The following TBC1D1 variants were observed in gnomAD, a reference collection of about 807,000 sequenced individuals.
TBC1D1 encodes TBC1 domain family member 1, also known as TBC1 (tre-2/USP6, BUB2, cdc16) domain family, member 1.
TBC1D1 carries 89 observed loss-of-function variants against 125.6 expected under a neutral mutation model. The ratio of observed to expected loss-of-function variants is 0.71; its 90% CI spans 0.60 to 0.85. TBC1D1 has a LOEUF of 0.85. Ranked by LOEUF, TBC1D1 falls within the 40% of genes least tolerant of loss-of-function variation. The probability of loss-of-function intolerance (pLI) is 0.00; values close to 1 mark genes in which losing one functional copy is unlikely to be tolerated. For synonymous variants in TBC1D1, 565 were observed against 564.1 expected (o/e 1.00, Z -0.02); for missense variants, 1,377 against 1,469.2 (o/e 0.94, Z 1.03).
chr4:38,021,698 AG>A lies in TBC1D1; in HGVS notation c.1191del (p.Lys397AsnfsTer6). ...GGCTGCCCCCTGCAAAGCCTGCACA[AG>A]CTCTGTGAGAGGATAGAGGGTGAGT... On this transcript the variant is annotated frameshift_variant, in exon 6 of 20. Transcript: ENST00000261439. LOFTEE classifies it high-confidence loss of function. 3.1e-6 allele frequency: 5 copies of A among 1,589,744 alleles called. No individual in the cohort carries two copies. Among genetic ancestry groups the A allele is most frequent in the Non-Finnish European group, 4.3e-6 (5 of 1,168,778 alleles).
chr4:38,043,863 C>T (rs1038235345), intron 8 of TBC1D1, among the ~76,000 whole-genome samples: 1 of 152,124 alleles, frequency 6.6e-6, no homozygotes, highest in Non-Finnish European at 1.5e-5. Context: ...GTTGTCTCAC[C>T]TTCTGAAATG....
chr4:38,083,924 T>G (rs1200006468), intron 12 of TBC1D1, among the ~76,000 whole-genome samples: 2 of 151,020 alleles, frequency 1.3e-5, no homozygotes, highest in African/African-American at 4.9e-5. Flanking sequence ...TTATACCAAA[T>G]GAATGTTGTC....
At chr4:38,082,541 A>T (rs941045163) in intron 12 of TBC1D1, among the ~76,000 whole-genome samples, 1 of 152,206 alleles carries the variant, frequency 6.6e-6, no homozygotes, top group Admixed American at 6.5e-5. Context: ...CTCCTCAAAA[A>T]ATACAGCTTC....
chr4:37,919,939 C>A (rs1028601595), intron 2 of TBC1D1, among the ~76,000 whole-genome samples: 1 of 152,056 alleles, frequency 6.6e-6, no homozygotes, highest in Non-Finnish European at 1.5e-5. Context: ...GGTGCAACTC[C>A]GTCTCTACTG....
intron 3 of TBC1D1, among the ~76,000 whole-genome samples, chr4:38,016,645 C>T (rs1243276158): frequency 1.3e-5 from 2 of 152,198 alleles, no homozygotes; most frequent in Non-Finnish European, 2.9e-5. Flanking sequence ...ATTTTCATTT[C>T]TCTGTTCACT....
chr4:38,122,307 G>A (rs1176441172), intron 17 of TBC1D1, among the ~76,000 whole-genome samples: 5 of 152,168 alleles, frequency 3.3e-5, no homozygotes, highest in South Asian at 2.1e-4. Context: ...AGCATTCAGC[G>A]ACTCCTGCGG....
intron 2 of TBC1D1, among the ~76,000 whole-genome samples, chr4:38,010,769 T>C (rs1024226770): frequency 8.5e-5 from 13 of 152,212 alleles, no homozygotes; most frequent in Admixed American, 2.6e-4. Context: ...CCTCTCAGCC[T>C]TCAGTGCTTA....
At chr4:38,099,816 A>C (rs1171956565) in intron 14 of TBC1D1, among the ~76,000 whole-genome samples, 1 of 152,126 alleles carries the variant, frequency 6.6e-6, no homozygotes, top group Non-Finnish European at 1.5e-5. Flanking sequence ...ATTGGGTCCA[A>C]CCTGCATGAT....
intron 16 of TBC1D1, among the ~76,000 whole-genome samples, chr4:38,116,621 C>T (rs956105024): frequency 4.6e-5 from 7 of 152,124 alleles, no homozygotes; most frequent in African/African-American, 1.7e-4. Flanking sequence ...TGAAACAGTG[C>T]GTGGGTTGAA....
chr4:38,112,127 G>A (rs1194346420), intron 15 of TBC1D1: 2 of 957,240 alleles, frequency 2.1e-6, no homozygotes, highest in Non-Finnish European at 2.5e-6. Flanking sequence ...TTGAAAGTGT[G>A]GGGTGTACAG....
intron 7 of TBC1D1, among the ~76,000 whole-genome samples, chr4:38,032,936 A>T (rs1746460344): frequency 6.6e-6 from 1 of 152,150 alleles, no homozygotes; most frequent in Non-Finnish European, 1.5e-5. Flanking sequence ...ACACCTCACT[A>T]ATTGTATTTC....
At chr4:38,047,415 G>A (rs1040197865) in intron 10 of TBC1D1, among the ~76,000 whole-genome samples, 18 of 152,252 alleles carry the variant, frequency 1.2e-4, no homozygotes, top group African/African-American at 3.1e-4. Context: ...GACCGCCTCT[G>A]GGGAGTGAGG....
chr4:38,137,229 T>C lies in TBC1D1; in HGVS notation c.3401T>C (p.Leu1134Pro), dbSNP rs1766787831. 1 of 1,612,510 alleles carries C rather than the reference T, an allele frequency of 6.2e-7. No homozygotes were observed. The highest frequency in any genetic ancestry group is 2.2e-5 in the East Asian group (1 of 44,852). ...AAGCAGGCCATGCTTACCTTAGAAC[T>C]GGAGCGGTCGGCCCTGCTGCAGACG... is the stretch of plus-strand genomic sequence containing the variant. Residue 1134 changes from leucine to proline, a missense_variant, in exon 20 of 20, where the codon CTG becomes CCG. Leu to Pro is a moderately conservative substitution (Grantham distance 98). Around this residue, in one of 3 missense-constraint regions of TBC1D1, gnomAD observed 543 missense variants for 613.5 expected, o/e 0.89. Transcript: ENST00000261439.
chr4:37,936,963 T>C (rs1724523615), intron 2 of TBC1D1, among the ~76,000 whole-genome samples: 1 of 152,194 alleles, frequency 6.6e-6, no homozygotes, highest in Non-Finnish European at 1.5e-5. Flanking sequence ...TGGACATACA[T>C]AGGGCAGTTC....
At chr4:38,027,085 G>A (rs1480528316) in intron 6 of TBC1D1, among the ~76,000 whole-genome samples, 1 of 152,208 alleles carries the variant, frequency 6.6e-6, no homozygotes, top group Non-Finnish European at 1.5e-5. Context: ...TACGTGAGGT[G>A]TTTTAACATG....
At chr4:38,067,852 C>T (rs1171441842) in intron 12 of TBC1D1, among the ~76,000 whole-genome samples, 1 of 152,190 alleles carries the variant, frequency 6.6e-6, no homozygotes, top group East Asian at 1.9e-4. Flanking sequence ...GTATGGCCCT[C>T]CTTACCTCCC....
In TBC1D1 at chr4:38,096,078, G is replaced by T; in HGVS notation, c.2386G>T (p.Ala796Ser). Residue 796 changes from alanine (A) to serine (S), a missense_variant, in exon 14 of 20, where the codon GCT becomes TCT. By Grantham distance (99) the Ala-to-Ser change is moderately conservative. Coordinates refer to ENST00000261439, the MANE Select transcript of TBC1D1 (RefSeq NM_015173.4). The stretch of plus-strand genomic sequence containing the variant: ...GTTTGACATGGAAAAAATGCACTCG[G>T]CTGTTGGGCAAGGTAAGCTTCATTG... 6.2e-7 allele frequency: 1 copy of T among 1,612,566 alleles called. No individual in the cohort carries two copies. The highest frequency in any genetic ancestry group is 8.5e-7 in the Non-Finnish European group (1 of 1,179,104).
intron 2 of TBC1D1, among the ~76,000 whole-genome samples, chr4:37,906,482 G>A (rs34871767): frequency 0.21 from 32,008 of 152,074 alleles, 3,626 homozygotes; most frequent in East Asian, 0.28. Context: ...ACATTTGTAA[G>A]CTGCTGATTT....
Position 38,006,474 on chromosome 4 carries a change from A to ATTT in TBC1D1, c.418-8015_418-8013dup, listed in dbSNP as rs71190940. On this transcript the variant is annotated intron_variant, in intron 2 of 19. Coordinates refer to ENST00000261439, the MANE Select transcript of TBC1D1 (RefSeq NM_015173.4). ...TTTTCCCTCTTGAGGGACCAACACT[A>ATTT]TTTTTTTTTTTTTTTTTTTTTTGAG... is the stretch of plus-strand genomic sequence containing the variant. Among the ~76,000 whole-genome samples, 671 of 101,152 alleles carry ATTT rather than the reference A, an allele frequency of 6.6e-3. 8 individuals carry two copies. Among genetic ancestry groups the ATTT allele is most frequent in the East Asian group, 7.8e-3 (27 of 3,450 alleles). 66.4% of individuals were successfully genotyped at this position (101,152 alleles called of 152,430 possible).
Sources: gnomAD v4.1 joint callset for allele counts (sites outside exome capture counted in the v4.1 genomes callset) on GRCh38, gnomAD v4.1.1 for gene constraint, gnomAD v4.1.1 regional missense constraint, MANE v1.5 for transcripts, NCBI Gene and HGNC (gene_info 2026-07-23, HGNC 2026-07-21) for gene names.